The following MARCHF3 variants were observed in gnomAD, a reference collection of about 807,000 sequenced individuals.
MARCHF3 encodes membrane associated ring-CH-type finger 3.
A neutral mutation model predicts 24.2 loss-of-function variants in MARCHF3; 13 were observed. That is an observed-to-expected ratio of 0.54 (90% confidence interval 0.35 to 0.85). MARCHF3 has a LOEUF of 0.85. Among genes scored for constraint, MARCHF3 ranks in the 40% least tolerant of loss-of-function variants. The probability of loss-of-function intolerance (pLI) is 0.01; values close to 1 mark genes in which losing one functional copy is unlikely to be tolerated. For synonymous variants in MARCHF3, 144 were observed against 137.3 expected (o/e 1.05, Z -0.34); for missense variants, 276 against 325.0 (o/e 0.85, Z 1.16).
At chr5:126,982,701 A>G (rs1019292064) in intron 1 of MARCHF3, among the ~76,000 whole-genome samples, 1 of 152,076 alleles carries the variant, frequency 6.6e-6, no homozygotes, top group African/African-American at 2.4e-5. Flanking sequence ...GGGCACATCA[A>G]CTCTCTACTC....
At chr5:127,016,296 A>G (rs916496073) in intron 1 of MARCHF3, among the ~76,000 whole-genome samples, 4 of 152,212 alleles carry the variant, frequency 2.6e-5, no homozygotes, top group Non-Finnish European at 4.4e-5. Flanking sequence ...ACACAAAAAA[A>G]TTTATTTTTT....
chr5:126,946,561 G>A (rs1160954298), intron 1 of MARCHF3, among the ~76,000 whole-genome samples: 1 of 152,030 alleles, frequency 6.6e-6, no homozygotes. Flanking sequence ...GGCGAGTCCT[G>A]GGGGCTGGGA....
At chr5:126,979,939 A>G (rs1359974855) in intron 1 of MARCHF3, among the ~76,000 whole-genome samples, 2 of 136,308 alleles carry the variant, frequency 1.5e-5, no homozygotes, top group Non-Finnish European at 3.1e-5. Flanking sequence ...CAAGAGCCAA[A>G]CTCCATCTCA....
intron 1 of MARCHF3, among the ~76,000 whole-genome samples, chr5:126,991,341 T>G (rs1370628977): frequency 6.6e-6 from 1 of 152,000 alleles, no homozygotes; most frequent in Non-Finnish European, 1.5e-5. Context: ...AGGTGGGAAC[T>G]GAACAATGAG....
intron 1 of MARCHF3, among the ~76,000 whole-genome samples, chr5:126,987,931 T>G (rs921435261): frequency 7.3e-5 from 11 of 150,408 alleles, no homozygotes; most frequent in African/African-American, 2.7e-4. Context: ...ATTGAAAAAC[T>G]GCCTGGATAT....
At chr5:126,909,657 A>C (rs571524760) in intron 3 of MARCHF3, among the ~76,000 whole-genome samples, 180 of 152,158 alleles carry the variant, frequency 1.2e-3, no homozygotes, top group African/African-American at 4.0e-3. Context: ...CCAATGCCTC[A>C]CCCTGCTTTG....
At chr5:126,937,890 C>G (rs1267814124) in intron 1 of MARCHF3, among the ~76,000 whole-genome samples, 1 of 152,162 alleles carries the variant, frequency 6.6e-6, no homozygotes, top group African/African-American at 2.4e-5. Flanking sequence ...CACAAAAAAA[C>G]TCCTGAGTTT....
At position 126,870,780 on chromosome 5, in the gene MARCHF3, C is replaced by T. The variant is rs1331961186; in HGVS notation, c.615G>A (p.Arg205=). The change falls in exon 5 of 5, where the codon AGG becomes AGA. Residue 205 remains arginine, a synonymous_variant. Coordinates refer to ENST00000308660, the MANE Select transcript of MARCHF3 (RefSeq NM_178450.5). Reference sequence around the variant, plus strand: ...ACTCGTTGTACAATCGACAGTGGTACCTAAATGACACCTGGGGATGGGAGA... The same window carrying T: ...ACTCGTTGTACAATCGACAGTGGTATCTAAATGACACCTGGGGATGGGAGA... ...IYLFWTLVSF[R]YHCRLYNEWR... is the part of the protein sequence containing the mutation. 6.2e-7 allele frequency: 1 copy of T among 1,613,896 alleles called. No homozygotes were observed. The highest frequency in any genetic ancestry group is 1.1e-5 in the South Asian group (1 of 91,056).
chr5:126,928,354 G>A (rs1749363471), intron 1 of MARCHF3, among the ~76,000 whole-genome samples: 1 of 152,208 alleles, frequency 6.6e-6, no homozygotes, highest in Non-Finnish European at 1.5e-5. Flanking sequence ...TTCAACACCA[G>A]AGACTGTTTG....
intron 3 of MARCHF3, among the ~76,000 whole-genome samples, chr5:126,913,219 T>C (rs1382710459): frequency 6.6e-6 from 1 of 152,200 alleles, no homozygotes; most frequent in Non-Finnish European, 1.5e-5. Flanking sequence ...TGTTATATAT[T>C]ACGTGCACAT....
chr5:126,920,139 G>A (rs1749055312), intron 1 of MARCHF3, among the ~76,000 whole-genome samples: 1 of 152,104 alleles, frequency 6.6e-6, no homozygotes, highest in South Asian at 2.1e-4. Context: ...CCACCATTCA[G>A]AAAACCCCAG....
intron 1 of MARCHF3, among the ~76,000 whole-genome samples, chr5:127,018,518 C>T (rs1315925016): frequency 6.6e-6 from 1 of 152,072 alleles, no homozygotes; most frequent in Non-Finnish European, 1.5e-5. Flanking sequence ...TGGGAGGCAC[C>T]TATGAAGAGG....
Position 126,870,763 on chromosome 5 carries a change from T to A in MARCHF3, c.632A>T (p.Tyr211Phe), listed in dbSNP as rs1752939592. 1.2e-6 allele frequency: 2 copies of A among 1,614,238 alleles called. No homozygotes were observed. Among genetic ancestry groups the A allele is most frequent in the Non-Finnish European group, 1.7e-6 (2 of 1,180,032 alleles). ...LVSFRYHCRLYNEWRRTNQRV... is the reference protein window; with the variant it reads ...LVSFRYHCRLFNEWRRTNQRV... ...CTGATTGGTCCGACGCCACTCGTTG[T>A]ACAATCGACAGTGGTACCTAAATGA... Residue 211 changes from tyrosine to phenylalanine, a missense_variant, in exon 5 of 5, where the codon TAC becomes TTC. Physicochemically the swap from Tyr to Phe is conservative, Grantham distance 22. Coordinates refer to ENST00000308660, the MANE Select transcript of MARCHF3 (RefSeq NM_178450.5).
chr5:126,881,338 G>A (rs951193041), intron 3 of MARCHF3, among the ~76,000 whole-genome samples: 3 of 152,170 alleles, frequency 2.0e-5, no homozygotes, highest in South Asian at 2.1e-4. Context: ...TTATACAAAC[G>A]CAGGTTTGTG....
intron 1 of MARCHF3, among the ~76,000 whole-genome samples, chr5:126,980,374 C>T (rs1751354353): frequency 6.6e-6 from 1 of 151,408 alleles, no homozygotes; most frequent in Non-Finnish European, 1.5e-5. Flanking sequence ...ATGATTCATT[C>T]CTTTTTTTTT....
chr5:126,983,013 T>C (rs1214932503), intron 1 of MARCHF3, among the ~76,000 whole-genome samples: 1 of 152,158 alleles, frequency 6.6e-6, no homozygotes. Context: ...TTTTATGTTG[T>C]TTTCATTTCT....
intron 1 of MARCHF3, among the ~76,000 whole-genome samples, chr5:126,960,957 A>G (rs1332749318): frequency 1.3e-5 from 2 of 152,164 alleles, no homozygotes; most frequent in African/African-American, 4.8e-5. Context: ...CTAAGTACTC[A>G]CTAGAATGAA....
Position 126,870,738 on chromosome 5 carries a change from CTGAT to C in MARCHF3, c.653_656del (p.Asn218ArgfsTer3). 6.2e-7 allele frequency: 1 copy of C among 1,614,234 alleles called. No individual in the cohort carries two copies. Among genetic ancestry groups the C allele is most frequent in the African/African-American group, 1.3e-5 (1 of 75,060 alleles). ...ACTTTGGAATGAGGAGAATCACCCT[CTGAT>C]TGGTCCGACGCCACTCGTTGTACAA... On this transcript the variant is annotated frameshift_variant, in exon 5 of 5. Transcript: ENST00000308660. LOFTEE classifies it high-confidence loss of function.
chr5:126,971,838 C>T (rs1033083173), intron 1 of MARCHF3, among the ~76,000 whole-genome samples: 1 of 152,214 alleles, frequency 6.6e-6, no homozygotes, highest in African/African-American at 2.4e-5. Flanking sequence ...AAGGGTAATA[C>T]TGCATTTGCA....
Sources: gnomAD v4.1 joint callset for allele counts (sites outside exome capture counted in the v4.1 genomes callset) on GRCh38, gnomAD v4.1.1 for gene constraint, MANE v1.5 for transcripts, NCBI Gene and HGNC (gene_info 2026-07-23, HGNC 2026-07-21) for gene names.